Variants in PTPRD observed in about 807,000 individuals in gnomAD.
PTPRD encodes the protein protein tyrosine phosphatase receptor type D, also known as receptor-type tyrosine-protein phosphatase delta.
In PTPRD, 34 loss-of-function variants were observed where a neutral mutation model predicts 214.5. That is an observed-to-expected ratio of 0.16 (90% CI 0.12 to 0.21). The LOEUF (loss-of-function observed/expected upper bound fraction) is 0.21, where lower values mean the gene tolerates loss of function less well. Among genes scored for constraint, PTPRD ranks in the 10% least tolerant of loss-of-function variants. The pLI, the probability that PTPRD is intolerant of heterozygous loss-of-function variation, is 1.00. For missense variants in PTPRD, 2,545 were observed against 2,398.7 expected, an observed-to-expected ratio of 1.06 and a Z score of -1.27; for synonymous variants, 1,128 against 845.7, an observed-to-expected ratio of 1.33 and a Z score of -5.79.
At chr9:9,637,188 A>C (rs1269892948) in intron 7 of PTPRD, among the ~76,000 whole-genome samples, 3 of 152,092 alleles carry the variant, frequency 2.0e-5, no homozygotes, top group Admixed American at 2.0e-4. Context: ...CCCCAAATTT[A>C]TGTCATTTTC....
At chr9:8,394,047 A>T (rs1303320337) in intron 36 of PTPRD, among the ~76,000 whole-genome samples, 2 of 152,064 alleles carry the variant, frequency 1.3e-5, no homozygotes, top group Non-Finnish European at 2.9e-5. Flanking sequence ...CAGCTATTTG[A>T]ACAGAATTAG....
At chr9:9,633,696 A>G (rs954917570) in intron 7 of PTPRD, among the ~76,000 whole-genome samples, 4 of 152,178 alleles carry the variant, frequency 2.6e-5, no homozygotes, top group African/African-American at 9.6e-5. Context: ...TATCCCATAT[A>G]TTTATAGTTA....
At chr9:10,554,976 C>G (rs527415100) in intron 2 of PTPRD, among the ~76,000 whole-genome samples, 2 of 152,232 alleles carry the variant, frequency 1.3e-5, no homozygotes, top group South Asian at 4.1e-4. Context: ...TTCTAAAGAT[C>G]ATGATGTCTA....
At chr9:10,070,162 T>C (rs1040020921) in intron 3 of PTPRD, among the ~76,000 whole-genome samples, 3 of 152,034 alleles carry the variant, frequency 2.0e-5, no homozygotes, top group Non-Finnish European at 4.4e-5. Flanking sequence ...AGAGAGGAAA[T>C]TGGTTTTTAT....
intron 2 of PTPRD, among the ~76,000 whole-genome samples, chr9:10,610,089 T>A (rs896978655): frequency 2.0e-5 from 3 of 152,130 alleles, no homozygotes; most frequent in African/African-American, 4.8e-5. Context: ...AACACATTAC[T>A]GCTGACACTA....
At chr9:8,332,129 C>G (rs1842043977) in intron 43 of PTPRD, among the ~76,000 whole-genome samples, 1 of 152,026 alleles carries the variant, frequency 6.6e-6, no homozygotes, top group Admixed American at 6.6e-5. Flanking sequence ...ATATATATTC[C>G]ATTTCAAAAA....
intron 9 of PTPRD, among the ~76,000 whole-genome samples, chr9:9,229,796 A>C (rs1208930297): frequency 6.6e-6 from 1 of 152,204 alleles, no homozygotes; most frequent in Non-Finnish European, 1.5e-5. Flanking sequence ...AAGAGCAGGC[A>C]TGATGAGATA....
At chr9:9,358,088 C>T (rs2054558369) in intron 9 of PTPRD, among the ~76,000 whole-genome samples, 1 of 151,174 alleles carries the variant, frequency 6.6e-6, no homozygotes, top group East Asian at 1.9e-4. Flanking sequence ...AATTAAATCA[C>T]ATTTCTGACC....
At chr9:10,330,935 T>C (rs1294048947) in intron 3 of PTPRD, among the ~76,000 whole-genome samples, 1 of 151,842 alleles carries the variant, frequency 6.6e-6, no homozygotes, top group Non-Finnish European at 1.5e-5. Context: ...TTGGTGGTGG[T>C]GAGAAACATA....
rs1001873321 is a variant in PTPRD, at chr9:8,940,628, C to T, written c.-104+78069G>A. On this transcript the variant is annotated intron_variant, in intron 11 of 45. Coordinates refer to ENST00000381196, the MANE Select transcript of PTPRD (RefSeq NM_002839.4). ...CTTAAAAAGGTTATACCTAATACAT[C>T]AATATCTGACCCTAAATTAGGAATT... 4.6e-5 allele frequency among the ~76,000 whole-genome samples: 7 copies of T among 151,838 alleles called. No individual in the cohort carries two copies. In the East Asian group the frequency reaches 9.7e-4, roughly 21 times the overall value.
rs1310354635 is a variant in PTPRD at position 9,179,529 on chromosome 9, A to G, written c.-143+3775T>C. ...CTAGCTGAAGACTAGGATATTAAGCATCAACAGTATTTTAAATACCCTCTA... is the reference window on the plus strand; with the variant it reads ...CTAGCTGAAGACTAGGATATTAAGCGTCAACAGTATTTTAAATACCCTCTA... On this transcript the variant is annotated intron_variant, in intron 10 of 45. Transcript: ENST00000381196. 2.0e-5 allele frequency among the ~76,000 whole-genome samples: 3 copies of G among 152,142 alleles called. No individual in the cohort carries two copies. In the East Asian group the frequency reaches 5.8e-4, roughly 29 times the overall value.
At position 10,350,122 on chromosome 9, in the gene PTPRD, T is replaced by A. The variant is rs576787521; in HGVS notation, c.-599-9105A>T. Among the ~76,000 whole-genome samples, 9 of 152,094 alleles carry A rather than the reference T, an allele frequency of 5.9e-5. No homozygotes were observed. In the South Asian group the frequency reaches 1.7e-3, roughly 28 times the overall value. On this transcript the variant is annotated intron_variant, in intron 2 of 45. Transcript: ENST00000381196. ...ACTTCACTAATTAATATAGACCCAT[T>A]TCATTGGTGTGCAGAGTATACATGT...
chr9:8,506,956 A>C (rs1287749412), intron 22 of PTPRD, among the ~76,000 whole-genome samples: 1 of 152,220 alleles, frequency 6.6e-6, no homozygotes, highest in Non-Finnish European at 1.5e-5. Context: ...AAATACTTTC[A>C]TGAAGAAGAG....
At chr9:10,422,861 T>C (rs887265603) in intron 2 of PTPRD, among the ~76,000 whole-genome samples, 26 of 152,046 alleles carry the variant, frequency 1.7e-4, no homozygotes, top group South Asian at 4.2e-4. Flanking sequence ...TTGGTGGGAG[T>C]GTAAACAAGT....
At chr9:8,522,053 G>T (rs2097902296) in intron 19 of PTPRD, among the ~76,000 whole-genome samples, 1 of 152,166 alleles carries the variant, frequency 6.6e-6, no homozygotes, top group African/African-American at 2.4e-5. Context: ...ATCACCTAGA[G>T]TACACTGAAA....
chr9:9,710,975 CGTGT>C lies in PTPRD; in HGVS notation c.-287+23554_-287+23557del, dbSNP rs35078738. ...CTGAGAGCGAGCGAGCGAGAGAGAG[CGTGT>C]GTGTGTGTGTGTGTGTATGCACACG... On this transcript the variant is annotated intron_variant, in intron 7 of 45. Transcript: ENST00000381196. 5.2e-3 allele frequency among the ~76,000 whole-genome samples: 783 copies of C among 149,482 alleles called. 6 individuals carry two copies. The highest frequency in any genetic ancestry group is 0.036 in the East Asian group (184 of 5,098).
chr9:9,470,289 T>C (rs750598370), intron 8 of PTPRD, among the ~76,000 whole-genome samples: 1 of 152,192 alleles, frequency 6.6e-6, no homozygotes, highest in Non-Finnish European at 1.5e-5. Flanking sequence ...CATTTGGCTG[T>C]TTCTGAAACC....
At chr9:8,540,070 T>C (rs2078014243) in intron 14 of PTPRD, among the ~76,000 whole-genome samples, 1 of 152,170 alleles carries the variant, frequency 6.6e-6, no homozygotes, top group Non-Finnish European at 1.5e-5. Flanking sequence ...ATGTCGGCAA[T>C]TAACTCTCTA....
intron 10 of PTPRD, among the ~76,000 whole-genome samples, chr9:9,124,081 A>C (rs1291066747): frequency 1.3e-5 from 2 of 152,188 alleles, no homozygotes; most frequent in Admixed American, 1.3e-4. Flanking sequence ...CAAGGCATCA[A>C]GCAATCATGG....
Sources: allele counts gnomAD v4.1 joint callset (sites outside exome capture counted in the v4.1 genomes callset), GRCh38; gene constraint gnomAD v4.1.1; transcripts MANE v1.5; gene names NCBI Gene and HGNC (gene_info 2026-07-23, HGNC 2026-07-21).